DNAI7: variants seen among roughly 807,000 people sequenced by gnomAD.
DNAI7 encodes cancer susceptibility 1.
DNAI7 carries 78 observed loss-of-function variants against 86.6 expected under a neutral mutation model. That is an observed-to-expected ratio of 0.90 (90% CI 0.75 to 1.09). DNAI7 has a LOEUF of 1.09. Among genes scored for constraint, DNAI7 ranks in the 50% least tolerant of loss-of-function variants. The probability of loss-of-function intolerance (pLI) is 0.00; values close to 1 mark genes in which losing one functional copy is unlikely to be tolerated. For synonymous variants in DNAI7, 274 were observed against 273.0 expected (o/e 1.00, Z -0.04); for missense variants, 753 against 810.2 (o/e 0.93, Z 0.86).
chr12:25,171,796 G>A (rs1169537777), intron 2 of DNAI7, among the ~76,000 whole-genome samples: 1 of 152,122 alleles, frequency 6.6e-6, no homozygotes, highest in Admixed American at 6.5e-5. Flanking sequence ...TTTCATACCA[G>A]GGATGCAGGG....
chr12:25,114,585 A>T, intron 13 of DNAI7, 71 bp downstream of exon 13: 1 of 1,000,034 alleles, frequency 1.0e-6, no homozygotes, highest in South Asian at 1.4e-5. Flanking sequence ...ATTGCTTTTG[A>T]CAAACTAGTA....
chr12:25,147,384 G>A (rs1306928612), intron 7 of DNAI7, among the ~76,000 whole-genome samples: 1 of 152,056 alleles, frequency 6.6e-6, no homozygotes, highest in African/African-American at 2.4e-5. Context: ...GGGTGAGGTG[G>A]CTCATACCTG....
At chr12:25,184,380 G>A (rs946107892) in intron 2 of DNAI7, among the ~76,000 whole-genome samples, 2 of 144,340 alleles carry the variant, frequency 1.4e-5, no homozygotes, top group South Asian at 2.1e-4. Flanking sequence ...CATGTAAAAT[G>A]TGGTCTTTTG....
At chr12:25,133,671 G>A (rs1592314602) in intron 9 of DNAI7, among the ~76,000 whole-genome samples, 1 of 152,150 alleles carries the variant, frequency 6.6e-6, no homozygotes, top group African/African-American at 2.4e-5. Context: ...AATGTTGTGG[G>A]GTTTTCAGCA....
chr12:25,157,733 G>C (rs911761553), intron 4 of DNAI7, among the ~76,000 whole-genome samples: 1 of 152,080 alleles, frequency 6.6e-6, no homozygotes. Flanking sequence ...TAGTAATGGA[G>C]TTTTGTCCTG....
chr12:25,162,422 C>G (rs79513344), intron 2 of DNAI7, among the ~76,000 whole-genome samples: 11,082 of 152,212 alleles, frequency 0.073, 426 homozygotes, highest in South Asian at 0.13. Flanking sequence ...TGAGGTTTAG[C>G]AAAGGTCAGT....
chr12:25,170,988 G>C (rs1470731143), intron 2 of DNAI7, among the ~76,000 whole-genome samples: 1 of 152,122 alleles, frequency 6.6e-6, no homozygotes, highest in Non-Finnish European at 1.5e-5. Context: ...GTGCTAACGG[G>C]AAAGTTCATA....
At position 25,114,717 on chromosome 12, in the gene DNAI7, T is replaced by A; in HGVS notation, c.1550A>T (p.Asp517Val). Residue 517 changes from aspartate (D) to valine (V), a missense_variant, in exon 13 of 16, where the codon GAT becomes GTT. By Grantham distance (152) the Asp-to-Val change is radical. Transcript: ENST00000395987. Reference sequence around the variant, plus strand: ...CACAGTTAAAAGTACTTTATTTACATCAAGTGGTCTTAGTTCCCATGACTG... The same window carrying A: ...CACAGTTAAAAGTACTTTATTTACAACAAGTGGTCTTAGTTCCCATGACTG... ...PYQSWELRPL[D>V]VNKVLLTVTT... The A allele has an allele frequency of 6.2e-7, 1 of 1,614,004 alleles. No individual in the cohort carries two copies. Among genetic ancestry groups the A allele is most frequent in the South Asian group, 1.1e-5 (1 of 91,066 alleles).
At chr12:25,120,138 T>C (rs1940958207) in intron 11 of DNAI7, among the ~76,000 whole-genome samples, 1 of 152,028 alleles carries the variant, frequency 6.6e-6, no homozygotes, top group South Asian at 2.1e-4. Context: ...ATTAAAATTT[T>C]GTTGGAGTGG....
At chr12:25,170,347 C>T (rs535048705) in intron 2 of DNAI7, among the ~76,000 whole-genome samples, 10 of 151,330 alleles carry the variant, frequency 6.6e-5, no homozygotes, top group Admixed American at 2.6e-4. Context: ...GCCGAGATTG[C>T]GCCACTGCAC....
intron 9 of DNAI7, among the ~76,000 whole-genome samples, chr12:25,125,185 G>T (rs551194671): frequency 6.6e-6 from 1 of 152,230 alleles, no homozygotes; most frequent in East Asian, 1.9e-4. Context: ...GCTCTTTGAG[G>T]AATCACCATA....
rs746755531 is a variant in DNAI7 at position 25,144,597 on chromosome 12, C to T, written c.770G>A (p.Arg257Gln). The T allele has an allele frequency of 1.2e-6, 2 of 1,613,976 alleles. No individual in the cohort carries two copies. Among genetic ancestry groups the T allele is most frequent in the Non-Finnish European group, 8.5e-7 (1 of 1,179,946 alleles). The change falls in exon 9 of 16, where the codon CGA becomes CAA. Residue 257 changes from arginine to glutamine, a missense_variant. By Grantham distance (43) the Arg-to-Gln change is conservative (BLOSUM62 1). Transcript: ENST00000395987. ...RILATSDIAV[R>Q]LLHTHYDHVS... ...ATGATCATAGTGGGTATGCAGGAGT[C>T]GTACAGCAATGTCACTTGTTGCTAA... is the stretch of plus-strand genomic sequence containing the variant.
At chr12:25,121,087 G>A (rs1191432446) in intron 11 of DNAI7, among the ~76,000 whole-genome samples, 8 of 152,218 alleles carry the variant, frequency 5.3e-5, no homozygotes, top group Non-Finnish European at 1.2e-4. Context: ...ACTTTAGGGT[G>A]TATTTTTCCA....
At chr12:25,149,546 A>G (rs1945252764) in intron 7 of DNAI7, 82 bp downstream of exon 7, 1 of 1,033,490 alleles carries the variant, frequency 9.7e-7, no homozygotes, top group Non-Finnish European at 1.4e-6. Flanking sequence ...TCATTTTTCA[A>G]TTTAAAAAAT....
intron 14 of DNAI7, 121 bp downstream of exon 14, chr12:25,111,651 T>G: frequency 2.3e-6 from 1 of 428,760 alleles, no homozygotes; most frequent in South Asian, 8.2e-5. Context: ...CTTATTTCTT[T>G]ATAATACTGT....
In DNAI7 at chr12:25,108,378, GAA is replaced by G; in HGVS notation, c.*168_*169del. ...TTCTTAACAGGCCAAGTATTCAAAG[GAA>G]AAAAAAATACTGTTTTTAAAATAAA... On this transcript the variant is annotated 3_prime_UTR_variant, in exon 16 of 16. Transcript: ENST00000395987. The G allele has an allele frequency of 5.0e-6, 3 of 604,386 alleles. No homozygotes were observed. Among genetic ancestry groups the G allele is most frequent in the Non-Finnish European group, 5.3e-6 (2 of 376,620 alleles). The allele number at this position is 604,386 out of a possible 1,614,324, so 37.4% of individuals were successfully genotyped here.
At chr12:25,180,457 C>T (rs955196455) in intron 2 of DNAI7, among the ~76,000 whole-genome samples, 4 of 151,962 alleles carry the variant, frequency 2.6e-5, no homozygotes, top group African/African-American at 9.7e-5. Context: ...GTATATGAAA[C>T]CAAAAAAGAG....
At chr12:25,114,116 T>C (rs2140370670) in intron 13 of DNAI7, among the ~76,000 whole-genome samples, 1 of 152,164 alleles carries the variant, frequency 6.6e-6, no homozygotes, top group East Asian at 1.9e-4. Flanking sequence ...TGGCTAATTT[T>C]TGTATTTTTA....
At chr12:25,117,183 C>T (rs968367885) in intron 12 of DNAI7, among the ~76,000 whole-genome samples, 1 of 152,194 alleles carries the variant, frequency 6.6e-6, no homozygotes, top group Non-Finnish European at 1.5e-5. Context: ...ATCCACCCAC[C>T]TCAGCCTCCC....
Sources: gnomAD v4.1 joint callset for allele counts (sites outside exome capture counted in the v4.1 genomes callset) on GRCh38, gnomAD v4.1.1 for gene constraint, MANE v1.5 for transcripts, NCBI Gene and HGNC (gene_info 2026-07-23, HGNC 2026-07-21) for gene names.